SGCZ: variants seen among roughly 807,000 people sequenced by gnomAD.
The protein encoded by SGCZ is zeta-sarcoglycan.
A neutral mutation model predicts 41.3 loss-of-function variants in SGCZ; 40 were observed. That is an observed-to-expected ratio of 0.97 (90% CI 0.75 to 1.26). The LOEUF (loss-of-function observed/expected upper bound fraction) is 1.26. Ranked by LOEUF, SGCZ falls within the 50% of genes most tolerant of loss-of-function variation. The probability of loss-of-function intolerance (pLI) is 0.00; values close to 1 mark genes in which losing one functional copy is unlikely to be tolerated. For synonymous variants in SGCZ, 206 were observed against 137.5 expected (o/e 1.50, Z -3.49); for missense variants, 552 against 369.8 (o/e 1.49, Z -4.04).
chr8:14,886,727 C>G (rs1330364932), intron 1 of SGCZ, among the ~76,000 whole-genome samples: 1 of 152,104 alleles, frequency 6.6e-6, no homozygotes, highest in African/African-American at 2.4e-5. Context: ...TTGGCTTGTT[C>G]TACTCTAAAT....
chr8:15,221,974 C>A (rs995835896), intron 1 of SGCZ, among the ~76,000 whole-genome samples: 1 of 152,160 alleles, frequency 6.6e-6, no homozygotes, highest in African/African-American at 2.4e-5. Context: ...TTCCCTGTGT[C>A]CTAGCACTTA....
At chr8:14,559,827 C>T (rs1804154485) in intron 1 of SGCZ, among the ~76,000 whole-genome samples, 1 of 151,946 alleles carries the variant, frequency 6.6e-6, no homozygotes, top group African/African-American at 2.4e-5. Flanking sequence ...TGTAAAAAAT[C>T]CTATTTATTA....
intron 1 of SGCZ, among the ~76,000 whole-genome samples, chr8:14,959,110 G>T (rs1800884312): frequency 6.6e-6 from 1 of 152,040 alleles, no homozygotes; most frequent in African/African-American, 2.4e-5. Flanking sequence ...ACTTTAGACA[G>T]ATTTCAAAGA....
chr8:15,126,729 C>T (rs1010981858), intron 1 of SGCZ, among the ~76,000 whole-genome samples: 8 of 152,024 alleles, frequency 5.3e-5, no homozygotes, highest in African/African-American at 1.2e-4. Context: ...ACAGAGGCAC[C>T]GAGACTTAAA....
intron 2 of SGCZ, among the ~76,000 whole-genome samples, chr8:14,549,966 A>C (rs1803749990): frequency 6.6e-6 from 1 of 152,022 alleles, no homozygotes; most frequent in African/African-American, 2.4e-5. Flanking sequence ...TGGTGGTATA[A>C]ATTGATACAA....
intron 4 of SGCZ, among the ~76,000 whole-genome samples, chr8:14,204,074 G>T (rs1805541034): frequency 6.6e-6 from 1 of 152,086 alleles, no homozygotes; most frequent in Non-Finnish European, 1.5e-5. Context: ...TTTCCATACT[G>T]ATGGAGGATA....
chr8:14,674,978 G>T (rs976810470), intron 1 of SGCZ, among the ~76,000 whole-genome samples: 1 of 109,050 alleles, frequency 9.2e-6, no homozygotes, highest in Non-Finnish European at 1.6e-5. Flanking sequence ...TCCCTCTGTC[G>T]TCCAGGCTGA....
At chr8:15,091,090 G>A (rs1177325190) in intron 1 of SGCZ, among the ~76,000 whole-genome samples, 1 of 152,186 alleles carries the variant, frequency 6.6e-6, no homozygotes, top group East Asian at 1.9e-4. Flanking sequence ...TATTACCACA[G>A]ACATACTTGA....
intron 1 of SGCZ, among the ~76,000 whole-genome samples, chr8:14,901,903 G>T (rs1003890270): frequency 6.6e-6 from 1 of 152,214 alleles, no homozygotes; most frequent in Non-Finnish European, 1.5e-5. Flanking sequence ...CAAAACATGA[G>T]AAATTGATTC....
intron 1 of SGCZ, among the ~76,000 whole-genome samples, chr8:15,127,317 G>A (rs974180361): frequency 9.2e-5 from 14 of 151,426 alleles, no homozygotes; most frequent in African/African-American, 2.9e-4. Context: ...CAGGATAGGC[G>A]TTATACTATA....
At chr8:14,831,649 T>A (rs1465378489) in intron 1 of SGCZ, among the ~76,000 whole-genome samples, 1 of 152,018 alleles carries the variant, frequency 6.6e-6, no homozygotes, top group Non-Finnish European at 1.5e-5. Flanking sequence ...TGTGTGTATA[T>A]ATATATATAT....
At chr8:14,899,378 G>T (rs1024723564) in intron 1 of SGCZ, among the ~76,000 whole-genome samples, 1 of 152,128 alleles carries the variant, frequency 6.6e-6, no homozygotes, top group Non-Finnish European at 1.5e-5. Context: ...TGAAATGAAT[G>T]AGACTATTCT....
chr8:14,502,191 G>C (rs1208242003), intron 2 of SGCZ, among the ~76,000 whole-genome samples: 1 of 151,986 alleles, frequency 6.6e-6, no homozygotes, highest in Non-Finnish European at 1.5e-5. Context: ...TTCTTGTGAA[G>C]CATCTCAGAA....
At chr8:14,182,111 T>C (rs750165375) in intron 4 of SGCZ, among the ~76,000 whole-genome samples, 2 of 152,190 alleles carry the variant, frequency 1.3e-5, no homozygotes, top group East Asian at 1.9e-4. Flanking sequence ...GGTACACTTA[T>C]AGGCCTGTAT....
chr8:14,251,258 C>T (rs972289007), intron 3 of SGCZ, among the ~76,000 whole-genome samples: 10 of 152,046 alleles, frequency 6.6e-5, no homozygotes, highest in South Asian at 6.2e-4. Context: ...CAAACAAAAA[C>T]GAAAGACATA....
chr8:14,230,035 T>C (rs1051123527), intron 4 of SGCZ, among the ~76,000 whole-genome samples: 4 of 152,130 alleles, frequency 2.6e-5, no homozygotes, highest in Admixed American at 2.0e-4. Context: ...TTTACCTTCT[T>C]CATTTTAAAT....
At chr8:14,722,014 A>T (rs1337488582) in intron 1 of SGCZ, among the ~76,000 whole-genome samples, 1 of 152,176 alleles carries the variant, frequency 6.6e-6, no homozygotes, top group East Asian at 1.9e-4. Context: ...CCATCATTTC[A>T]TTGTGATCTT....
chr8:14,818,112 A>T (rs1801961743), intron 1 of SGCZ, among the ~76,000 whole-genome samples: 1 of 152,098 alleles, frequency 6.6e-6, no homozygotes, highest in South Asian at 2.1e-4. Context: ...CCAATCTTGC[A>T]GTGACCCCAA....
intron 2 of SGCZ, among the ~76,000 whole-genome samples, chr8:14,432,865 G>A (rs1422252746): frequency 1.6e-5 from 2 of 127,540 alleles, no homozygotes; most frequent in African/African-American, 6.1e-5. Context: ...AGTAAGCCAA[G>A]ATCGTGCTAC....
Sources: allele counts gnomAD v4.1 joint callset (sites outside exome capture counted in the v4.1 genomes callset), GRCh38; gene constraint gnomAD v4.1.1; transcripts MANE v1.5; gene names NCBI Gene and HGNC (gene_info 2026-07-23, HGNC 2026-07-21).